THSD7B: variants seen among roughly 807,000 people sequenced by gnomAD.
The protein encoded by THSD7B is thrombospondin type-1 domain-containing protein 7B.
THSD7B carries 138 observed loss-of-function variants against 213.6 expected under a neutral mutation model. The observed-to-expected ratio is 0.65, with a 90% CI of 0.56 to 0.74. THSD7B has a LOEUF of 0.74. Ranked by LOEUF, THSD7B falls within the 30% of genes least tolerant of loss-of-function variation. The pLI, the probability that THSD7B is intolerant of heterozygous loss-of-function variation, is 0.00. For synonymous variants in THSD7B, 742 were observed against 687.0 expected (o/e 1.08, Z -1.25); for missense variants, 1,931 against 1,991.5 (o/e 0.97, Z 0.58).
intron 2 of THSD7B, among the ~76,000 whole-genome samples, chr2:136,929,489 A>G (rs1447126662): frequency 6.6e-6 from 1 of 152,196 alleles, no homozygotes; most frequent in East Asian, 1.9e-4. Flanking sequence ...TCATCTTAGT[A>G]GGTTTTAGGT....
At chr2:137,555,226 A>T (rs1680933060) in intron 15 of THSD7B, among the ~76,000 whole-genome samples, 1 of 152,180 alleles carries the variant, frequency 6.6e-6, no homozygotes, top group Non-Finnish European at 1.5e-5. Context: ...TTGAGATTGG[A>T]GAATGGACAG....
At chr2:137,214,656 C>G (rs1048290978) in intron 7 of THSD7B, among the ~76,000 whole-genome samples, 2 of 150,382 alleles carry the variant, frequency 1.3e-5, no homozygotes, top group African/African-American at 4.9e-5. Flanking sequence ...TTGTTCAACT[C>G]CCACTTACGA....
In THSD7B at chr2:137,057,142, C is replaced by T. The variant is rs1457996914; in HGVS notation, c.862C>T (p.His288Tyr). The T allele has an allele frequency of 1.2e-6, 2 of 1,613,956 alleles. No individual in the cohort carries two copies. Among genetic ancestry groups the T allele is most frequent in the East Asian group, 2.2e-5 (1 of 44,874 alleles). ...TAAACATCAAAGTTACAAAGCACAT[C>T]ATCATTCGAAGTCTTGGGCAATAGA... ...TFKHQSYKAHHHSKSWAIEIG... is the reference protein window; with the variant it reads ...TFKHQSYKAHYHSKSWAIEIG... The change falls in exon 3 of 28, where the codon CAT becomes TAT. Residue 288 changes from histidine (H) to tyrosine (Y), a missense_variant. Physicochemically the swap from His to Tyr is moderately conservative, Grantham distance 83 (BLOSUM62 2). Transcript: ENST00000409968.
intron 15 of THSD7B, among the ~76,000 whole-genome samples, chr2:137,464,182 C>T (rs1486920039): frequency 6.6e-6 from 1 of 151,984 alleles, no homozygotes; most frequent in Non-Finnish European, 1.5e-5. Context: ...CATTACATTA[C>T]AATATGATTT....
chr2:136,809,257 T>C (rs1179868710), intron 1 of THSD7B, among the ~76,000 whole-genome samples: 1 of 151,964 alleles, frequency 6.6e-6, no homozygotes, highest in Non-Finnish European at 1.5e-5. Context: ...TGAGCAGGAA[T>C]CTGGAAGTGG....
At chr2:137,383,702 G>A (rs377221661) in intron 12 of THSD7B, among the ~76,000 whole-genome samples, 2 of 152,092 alleles carry the variant, frequency 1.3e-5, no homozygotes, top group Non-Finnish European at 2.9e-5. Context: ...TGTACATATG[G>A]CTTGCGTCCA....
rs146181906 is a variant in THSD7B, at chr2:136,814,693, T to C, written c.-36+49006T>C. Among the ~76,000 whole-genome samples, 645 of 152,302 alleles carry C rather than the reference T, an allele frequency of 4.2e-3. 4 individuals are homozygous for C. The highest frequency in any genetic ancestry group is 0.015 in the African/African-American group (618 of 41,566). ...GATTACAGACGTGGTTTTATTGCCTTAGTATATAATTTTTTATATATGCAA... is the reference window on the plus strand; with the variant it reads ...GATTACAGACGTGGTTTTATTGCCTCAGTATATAATTTTTTATATATGCAA... On this transcript the variant is annotated intron_variant, in intron 1 of 27. Transcript: ENST00000409968.
In THSD7B at chr2:136,787,634, C is replaced by G. The variant is rs112390372; in HGVS notation, c.-36+21947C>G. 6.5e-3 allele frequency among the ~76,000 whole-genome samples: 987 copies of G among 152,170 alleles called. 21 individuals carry two copies. The highest frequency in any genetic ancestry group is 0.022 in the African/African-American group (925 of 41,508). On this transcript the variant is annotated intron_variant, in intron 1 of 27. Transcript: ENST00000409968. Reference sequence around the variant, plus strand: ...GAGTGGAATATGAAGTTTTTCTTGGCAAATATAAATATTTATGGTTGTAGT... The same window carrying G: ...GAGTGGAATATGAAGTTTTTCTTGGGAAATATAAATATTTATGGTTGTAGT...
intron 15 of THSD7B, among the ~76,000 whole-genome samples, chr2:137,514,126 G>A (rs575161144): frequency 6.6e-6 from 1 of 152,172 alleles, no homozygotes; most frequent in East Asian, 1.9e-4. Context: ...ATATATGACA[G>A]TATATGTGAT....
At chr2:137,280,725 T>A (rs748524013) in intron 12 of THSD7B, among the ~76,000 whole-genome samples, 1 of 152,054 alleles carries the variant, frequency 6.6e-6, no homozygotes, top group Non-Finnish European at 1.5e-5. Flanking sequence ...TGACTTATAT[T>A]TTATGGCAAA....
chr2:137,381,400 G>A lies in THSD7B; in HGVS notation c.2501-24213G>A, dbSNP rs539483517. ...CTGCAGAGGTGAGGACCCTCCAGACGCAGGCAGGTCACCTGGATGCCTGGC... is the reference window on the plus strand; with the variant it reads ...CTGCAGAGGTGAGGACCCTCCAGACACAGGCAGGTCACCTGGATGCCTGGC... On this transcript the variant is annotated intron_variant, in intron 12 of 27. Coordinates refer to ENST00000409968, the MANE Select transcript of THSD7B (RefSeq NM_001316349.2). Among the ~76,000 whole-genome samples the A allele has an allele frequency of 1.5e-4, 23 of 152,330 alleles. No individual in the cohort carries two copies. In the South Asian group the frequency reaches 1.7e-3, roughly 11 times the overall value.
chr2:136,870,335 A>T (rs987126577), intron 1 of THSD7B, among the ~76,000 whole-genome samples: 2 of 152,224 alleles, frequency 1.3e-5, no homozygotes, highest in Non-Finnish European at 2.9e-5. Context: ...AACTTCCTCG[A>T]AAAAATTATT....
chr2:136,965,035 G>C (rs1345250980), intron 2 of THSD7B, among the ~76,000 whole-genome samples: 1 of 145,616 alleles, frequency 6.9e-6, no homozygotes, highest in Admixed American at 6.9e-5. Context: ...AAAAAGGGTT[G>C]TTTATACCAG....
At chr2:137,651,810 C>T (rs182351252) in intron 21 of THSD7B, among the ~76,000 whole-genome samples, 12 of 151,508 alleles carry the variant, frequency 7.9e-5, no homozygotes, top group East Asian at 1.9e-4. Flanking sequence ...TTAATTTATT[C>T]GTTGGTTATT....
chr2:137,595,058 G>A (rs560226477), intron 17 of THSD7B, among the ~76,000 whole-genome samples: 5 of 151,740 alleles, frequency 3.3e-5, no homozygotes, highest in Non-Finnish European at 5.9e-5. Context: ...ACCTTATATG[G>A]CACTACTATG....
Position 137,364,371 on chromosome 2 carries a change from CA to C in THSD7B, c.2501-41241del, listed in dbSNP as rs1324313223. ...GCCATCTCTCACCACTCCTGTTCAACATAGTGTTGGAAGTTCTGGCCAGGGC... is the reference window on the plus strand; with the variant it reads ...GCCATCTCTCACCACTCCTGTTCAACTAGTGTTGGAAGTTCTGGCCAGGGC... On this transcript the variant is annotated intron_variant, in intron 12 of 27. Coordinates refer to ENST00000409968, the MANE Select transcript of THSD7B (RefSeq NM_001316349.2). 2.0e-5 allele frequency among the ~76,000 whole-genome samples: 3 copies of C among 152,166 alleles called. No homozygotes were observed. The East Asian group carries it at 5.8e-4, about 29-fold the overall frequency.
At chr2:137,672,867 T>C (rs1261527627) in intron 27 of THSD7B, among the ~76,000 whole-genome samples, 5 of 152,236 alleles carry the variant, frequency 3.3e-5, no homozygotes, top group Non-Finnish European at 5.9e-5. Flanking sequence ...AGAAATATTA[T>C]TGATGCCCCT....
chr2:137,152,920 G>A (rs1434866486), intron 5 of THSD7B, among the ~76,000 whole-genome samples: 2 of 151,872 alleles, frequency 1.3e-5, no homozygotes, highest in Non-Finnish European at 2.9e-5. Flanking sequence ...CTCACTTGCC[G>A]CCTTTCTCTT....
At chr2:136,871,862 T>A (rs930224763) in intron 1 of THSD7B, among the ~76,000 whole-genome samples, 25 of 152,190 alleles carry the variant, frequency 1.6e-4, no homozygotes, top group African/African-American at 6.0e-4. Context: ...TCTATGCAAT[T>A]GCCATCATAA....
Sources: gnomAD v4.1 joint callset for allele counts (sites outside exome capture counted in the v4.1 genomes callset) on GRCh38, gnomAD v4.1.1 for gene constraint, MANE v1.5 for transcripts, NCBI Gene and HGNC (gene_info 2026-07-23, HGNC 2026-07-21) for gene names.